Variants in ROBO1 observed in about 807,000 individuals in gnomAD.
The protein encoded by ROBO1 is roundabout homolog 1.
A neutral mutation model predicts 195.9 loss-of-function variants in ROBO1; 149 were observed. That is an observed-to-expected ratio of 0.76 (90% confidence interval 0.67 to 0.87). The LOEUF (loss-of-function observed/expected upper bound fraction) is 0.87. Among genes scored for constraint, ROBO1 ranks in the 40% least tolerant of loss-of-function variants. The pLI is 0.00. For missense variants in ROBO1, 1,933 were observed against 2,068.3 expected, an observed-to-expected ratio of 0.93 and a Z score of 1.27; for synonymous variants, 816 against 733.2, an observed-to-expected ratio of 1.11 and a Z score of -1.82.
chr3:79,417,253 G>A (rs959283277), intron 2 of ROBO1, among the ~76,000 whole-genome samples: 2 of 152,040 alleles, frequency 1.3e-5, no homozygotes, highest in African/African-American at 4.8e-5. Context: ...ATTCACCCTG[G>A]GGAAGCCAGC....
intron 2 of ROBO1, among the ~76,000 whole-genome samples, chr3:79,144,607 C>G (rs1291140635): frequency 1.3e-5 from 2 of 151,910 alleles, no homozygotes; most frequent in Non-Finnish European, 2.9e-5. Flanking sequence ...ATGAAGAATA[C>G]TAGAGCTTTG....
chr3:79,561,241 G>C (rs540853860), intron 2 of ROBO1, among the ~76,000 whole-genome samples: 1 of 152,114 alleles, frequency 6.6e-6, no homozygotes, highest in Non-Finnish European at 1.5e-5. Context: ...AGTTAAAAAC[G>C]TACACTTTGA....
chr3:78,879,643 GA>G (rs57640366), intron 4 of ROBO1, among the ~76,000 whole-genome samples: 105 of 144,126 alleles, frequency 7.3e-4, no homozygotes, highest in Middle Eastern at 3.5e-3. Flanking sequence ...CCATTTCAGG[GA>G]AAAAAAAAAA....
intron 4 of ROBO1, among the ~76,000 whole-genome samples, chr3:78,923,836 T>C (rs2039070345): frequency 6.6e-6 from 1 of 152,170 alleles, no homozygotes; most frequent in Non-Finnish European, 1.5e-5. Context: ...AAGGAGGCGA[T>C]GCAAACAGTC....
At chr3:78,849,847 C>T (rs1046070051) in intron 4 of ROBO1, among the ~76,000 whole-genome samples, 6 of 151,696 alleles carry the variant, frequency 4.0e-5, no homozygotes, top group East Asian at 1.9e-4. Context: ...CACACACACA[C>T]ACACACACAC....
At chr3:79,245,139 A>G (rs2082600515) in intron 2 of ROBO1, among the ~76,000 whole-genome samples, 1 of 152,112 alleles carries the variant, frequency 6.6e-6, no homozygotes, top group Non-Finnish European at 1.5e-5. Context: ...GATCTATTTA[A>G]CATTGCTTCT....
chr3:79,205,250 TC>T (rs1482264634), intron 2 of ROBO1, among the ~76,000 whole-genome samples: 1 of 152,114 alleles, frequency 6.6e-6, no homozygotes, highest in African/African-American at 2.4e-5. Context: ...TTCCTCGGCC[TC>T]CCAAAGTGCT....
chr3:79,736,580 T>C (rs1306861692), intron 1 of ROBO1, among the ~76,000 whole-genome samples: 2 of 152,144 alleles, frequency 1.3e-5, no homozygotes, highest in Non-Finnish European at 2.9e-5. Context: ...TCAACATTTA[T>C]CTTACATTCT....
chr3:79,724,418 GAGTAACTTGCTTCT>G (rs1461329289), intron 1 of ROBO1, among the ~76,000 whole-genome samples: 2 of 152,130 alleles, frequency 1.3e-5, no homozygotes, highest in Non-Finnish European at 2.9e-5. Flanking sequence ...CTCTCTTCTT[GAGTAACTTGCTTCT>G]AATCAACAGA....
At chr3:79,221,723 T>C (rs534082217) in intron 2 of ROBO1, among the ~76,000 whole-genome samples, 2 of 152,246 alleles carry the variant, frequency 1.3e-5, no homozygotes, top group South Asian at 4.1e-4. Flanking sequence ...TGGTACTTAA[T>C]GATTTTTTAG....
At chr3:78,715,656 C>T (rs1165016623) in intron 7 of ROBO1, among the ~76,000 whole-genome samples, 6 of 152,158 alleles carry the variant, frequency 3.9e-5, no homozygotes, top group African/African-American at 1.2e-4. Context: ...CTCAGCCTCC[C>T]GAGCAGCTGG....
chr3:79,364,907 A>G (rs2109315946), intron 2 of ROBO1, among the ~76,000 whole-genome samples: 1 of 152,314 alleles, frequency 6.6e-6, no homozygotes, highest in Middle Eastern at 3.4e-3. Context: ...CAGAACCCTG[A>G]AAGCCATAAG....
intron 3 of ROBO1, among the ~76,000 whole-genome samples, chr3:79,054,943 T>C (rs1412148432): frequency 6.6e-6 from 1 of 152,024 alleles, no homozygotes; most frequent in Non-Finnish European, 1.5e-5. Context: ...CCCAGATGGG[T>C]CCCAGCCTCT....
intron 2 of ROBO1, among the ~76,000 whole-genome samples, chr3:79,430,099 T>C (rs1372963776): frequency 6.6e-6 from 1 of 151,990 alleles, no homozygotes; most frequent in Non-Finnish European, 1.5e-5. Flanking sequence ...TTTTTAAGGA[T>C]TGAAAATGTT....
At chr3:78,685,416 A>C (rs542647833) in intron 10 of ROBO1, among the ~76,000 whole-genome samples, 1 of 152,192 alleles carries the variant, frequency 6.6e-6, no homozygotes, top group East Asian at 1.9e-4. Context: ...TTATAGAGGA[A>C]AGAGAAGAGA....
intron 2 of ROBO1, among the ~76,000 whole-genome samples, chr3:79,574,290 C>T (rs930304958): frequency 2.6e-5 from 4 of 151,908 alleles, no homozygotes; most frequent in African/African-American, 7.3e-5. Context: ...CTGGATCACG[C>T]GTTTACATAC....
intron 3 of ROBO1, among the ~76,000 whole-genome samples, chr3:78,984,773 A>G (rs1204841569): frequency 6.6e-6 from 1 of 152,216 alleles, no homozygotes; most frequent in Non-Finnish European, 1.5e-5. Context: ...AAGTGATGGC[A>G]TTAGCATAAA....
chr3:79,714,549 T>C lies in ROBO1; in HGVS notation c.-51+53203A>G, dbSNP rs1193104509. 1.4e-4 allele frequency among the ~76,000 whole-genome samples: 21 copies of C among 151,888 alleles called. No homozygotes were observed. In the East Asian group the frequency reaches 3.5e-3, roughly 25 times the overall value. On this transcript the variant is annotated intron_variant, in intron 1 of 30. Coordinates refer to ENST00000464233, the MANE Select transcript of ROBO1 (RefSeq NM_002941.4). ...ATGCTGCTATAAAGACACATGCACA[T>C]GTATGTTTATTGTGGCACTATTCAC...
chr3:79,188,843 C>T (rs955557189), intron 2 of ROBO1, among the ~76,000 whole-genome samples: 2 of 151,642 alleles, frequency 1.3e-5, no homozygotes, highest in African/African-American at 2.4e-5. Flanking sequence ...TATTAGGTAA[C>T]GTAATATTCA....
Sources: gnomAD v4.1 joint callset for allele counts (sites outside exome capture counted in the v4.1 genomes callset) on GRCh38, gnomAD v4.1.1 for gene constraint, MANE v1.5 for transcripts, NCBI Gene and HGNC (gene_info 2026-07-23, HGNC 2026-07-21) for gene names.